KCNC4: variants seen among roughly 807,000 people sequenced by gnomAD.
KCNC4 encodes potassium voltage-gated channel subfamily C member 4, also known as voltage-gated potassium channel KCNC4.
In KCNC4, 23 loss-of-function variants were observed where a neutral mutation model predicts 42.8. The ratio of observed to expected loss-of-function variants is 0.54; its 90% CI spans 0.39 to 0.76. The LOEUF is 0.76. KCNC4 is among the 30% of genes least tolerant of loss of function. KCNC4 has a pLI of 0.00. For synonymous variants in KCNC4, 422 were observed against 393.5 expected, an observed-to-expected ratio of 1.07 and a Z score of -0.86; for missense variants, 751 against 898.2, an observed-to-expected ratio of 0.84 and a Z score of 2.10.
intron 1 of KCNC4, among the ~76,000 whole-genome samples, chr1:110,267,526 A>T (rs1362225357): frequency 6.6e-6 from 1 of 152,106 alleles, no homozygotes; most frequent in African/African-American, 2.4e-5. Flanking sequence ...TACATTTACA[A>T]TCCGGCTCCT....
Position 110,223,247 on chromosome 1 carries a change from C to G in KCNC4, c.962C>G (p.Ala321Gly). ...CTGCTCAACATCATCGACTTTGTGGCCATCCTGCCCTTCTACCTGGAGGTG... is the reference window on the plus strand; with the variant it reads ...CTGCTCAACATCATCGACTTTGTGGGCATCCTGCCCTTCTACCTGGAGGTG... Reference protein sequence around the residue: ...KNLLNIIDFVAILPFYLEVGL... With the variant: ...KNLLNIIDFVGILPFYLEVGL... Residue 321 changes from alanine (A) to glycine (G), a missense_variant, in exon 2 of 4, where the codon GCC (alanine) becomes GGC (glycine). Around this residue, in one of 4 missense-constraint regions of KCNC4, gnomAD observed 185 missense variants for 293.7 expected, o/e 0.63. Transcript: ENST00000438661. This position sits in a 1 kb window ranked among gnomAD's most constrained non-coding sequence, Gnocchi z 7.5. The G allele has an allele frequency of 1.2e-6, 2 of 1,614,236 alleles. No individual in the cohort carries two copies. Among genetic ancestry groups the G allele is most frequent in the Non-Finnish European group, 1.7e-6 (2 of 1,180,036 alleles).
intron 1 of KCNC4, among the ~76,000 whole-genome samples, chr1:110,269,097 A>G (rs577581311): frequency 1.3e-5 from 2 of 152,150 alleles, no homozygotes; most frequent in East Asian, 1.9e-4. Flanking sequence ...GGCAAGAAGA[A>G]CCCATCAGTC....
At position 110,233,338 on chromosome 1, in the gene KCNC4, G is replaced by C. The variant is rs1312188883; in HGVS notation, c.*366G>C. On this transcript the variant is annotated 3_prime_UTR_variant, in exon 4 of 4. Coordinates refer to ENST00000438661, the MANE Select transcript of KCNC4 (RefSeq NM_001039574.3). ...CTGATTTCTGTTGTTTCTGCTGACTGTGTGGGTGGAATGTCCCAAGAAAAG... is the reference window on the plus strand; with the variant it reads ...CTGATTTCTGTTGTTTCTGCTGACTCTGTGGGTGGAATGTCCCAAGAAAAG... 9.0e-6 allele frequency: 3 copies of C among 333,618 alleles called. No homozygotes were observed. Among genetic ancestry groups the C allele is most frequent in the Non-Finnish European group, 1.1e-5 (2 of 179,968 alleles). 20.7% of individuals were successfully genotyped at this position (333,618 alleles called of 1,614,324 possible).
rs1658190756 is a variant in KCNC4, at chr1:110,223,096, T to C, written c.811T>C (p.Phe271Leu). The change falls in exon 2 of 4, where the codon TTC (phenylalanine) becomes CTC (leucine). Residue 271 changes from phenylalanine (F) to leucine (L), a missense_variant. Around this residue, in one of 4 missense-constraint regions of KCNC4, gnomAD observed 181 missense variants for 167.3 expected, o/e 1.08. Transcript: ENST00000438661. This position sits in a 1 kb window ranked among gnomAD's most constrained non-coding sequence, Gnocchi z 7.5. ...CGTAGGGAACATCACCAGCGTGCAC[T>C]TCCGGCGGGAGGTAGAGACAGAGCC... ...LRVGNITSVH[F>L]RREVETEPIL... 4 of 1,614,192 alleles carry C rather than the reference T, an allele frequency of 2.5e-6. No individual in the cohort carries two copies. The highest frequency in any genetic ancestry group is 3.4e-6 in the Non-Finnish European group (4 of 1,180,028).
At position 110,210,934 on chromosome 1, in the gene KCNC4, C is replaced by T. The variant is rs964267385; in HGVS notation, c.-566C>T. ...CGCCGCCGCCGCCTCGTGTTGACCG[C>T]AAGCAGCCCGGGCCCACGGAGCTCC... On this transcript the variant is annotated 5_prime_UTR_variant, in exon 1 of 4. Transcript: ENST00000438661. Among the ~76,000 whole-genome samples the T allele has an allele frequency of 1.3e-5, 2 of 152,178 alleles. No homozygotes were observed. The highest frequency in any genetic ancestry group is 2.9e-5 in the Non-Finnish European group (2 of 68,002).
intron 1 of KCNC4, among the ~76,000 whole-genome samples, chr1:110,260,646 A>G (rs1659407592): frequency 1.3e-5 from 2 of 152,374 alleles, no homozygotes; most frequent in South Asian, 4.1e-4. Context: ...TCTGAAAAGA[A>G]GTTGACAGAA....
chr1:110,213,471 G>C (rs978142707), intron 1 of KCNC4, among the ~76,000 whole-genome samples: 13 of 152,200 alleles, frequency 8.5e-5, no homozygotes, highest in Admixed American at 2.0e-4. Flanking sequence ...GGCAGGGTAG[G>C]GAATTGGGGA....
In KCNC4 at chr1:110,233,004, A is replaced by G; in HGVS notation, c.*32A>G. 6.2e-7 allele frequency: 1 copy of G among 1,603,428 alleles called. No individual in the cohort carries two copies. Among genetic ancestry groups the G allele is most frequent in the Non-Finnish European group, 8.5e-7 (1 of 1,175,172 alleles). On this transcript the variant is annotated 3_prime_UTR_variant, in exon 4 of 4. Transcript: ENST00000438661. The stretch of plus-strand genomic sequence containing the variant: ...ACCAACGTGAGAGAGACAGGCAGAC[A>G]GACAGAAAGCCAGAGGCTTAGGGAA...
chr1:110,226,961 G>GGCTGAGAACCA (rs1314105892), intron 3 of KCNC4, among the ~76,000 whole-genome samples: 1 of 152,152 alleles, frequency 6.6e-6, no homozygotes, highest in East Asian at 1.9e-4. Context: ...GATGGTGGAG[G>GGCTGAGAACCA]GCCCGCGGTG....
At chr1:110,225,811 T>C (rs941181497) in intron 2 of KCNC4, 164 bp from the exon 3 acceptor site, 1 of 635,670 alleles carries the variant, frequency 1.6e-6, no homozygotes, top group Non-Finnish European at 2.7e-6. Context: ...ATCCCTGCCT[T>C]TTGCCCTCTG....
downstream of KCNC4, chr1:110,249,234 C>T (rs1423066521): frequency 6.6e-6 from 1 of 152,214 alleles, no homozygotes; most frequent in East Asian, 1.9e-4. Context: ...AGAGCAGGCC[C>T]CTTTTTTTCT....
rs1347826778 is a variant in KCNC4, at chr1:110,210,782, C to G, written c.-718C>G. On this transcript the variant is annotated 5_prime_UTR_variant, in exon 1 of 4. Transcript: ENST00000438661. ...GACCCGAGGCTCGCTCCTGCGGGCG[C>G]GCTTGTTTTCCAGCTGCCGCCTCGC... Among the ~76,000 whole-genome samples the G allele has an allele frequency of 6.6e-6, 1 of 151,912 alleles. No homozygotes were observed. The highest frequency in any genetic ancestry group is 2.4e-5 in the African/African-American group (1 of 41,416).
chr1:110,230,246 C>G (rs1658624999), intron 3 of KCNC4, among the ~76,000 whole-genome samples: 1 of 152,150 alleles, frequency 6.6e-6, no homozygotes, highest in Non-Finnish European at 1.5e-5. Flanking sequence ...GTGACCTGAC[C>G]CATAAGAAGT....
At chr1:110,246,530 A>G (rs1038572425) in exon 4 of KCNC4, 1 of 152,212 alleles carries the variant, frequency 6.6e-6, no homozygotes, top group Non-Finnish European at 1.5e-5. Flanking sequence ...TAGAAGCTTG[A>G]GCGTGGCTTC....
chr1:110,233,110 C>T lies in KCNC4; in HGVS notation c.*138C>T. 4.4e-6 allele frequency: 5 copies of T among 1,131,726 alleles called. No individual in the cohort carries two copies. The highest frequency in any genetic ancestry group is 6.3e-6 in the Non-Finnish European group (5 of 792,670). 70.1% of individuals were successfully genotyped at this position (1,131,726 alleles called of 1,614,324 possible). On this transcript the variant is annotated 3_prime_UTR_variant, in exon 4 of 4. Coordinates refer to ENST00000438661, the MANE Select transcript of KCNC4 (RefSeq NM_001039574.3). Reference sequence around the variant, plus strand: ...TGCACAGGACTGGTGGAAAATCTCCCATGCGACCCTCGGGGCCCAGAGCCA... The same window carrying T: ...TGCACAGGACTGGTGGAAAATCTCCTATGCGACCCTCGGGGCCCAGAGCCA...
At chr1:110,273,739 G>A (rs867800679) in intron 1 of KCNC4, among the ~76,000 whole-genome samples, 2 of 152,240 alleles carry the variant, frequency 1.3e-5, no homozygotes, top group African/African-American at 4.8e-5. Context: ...GGATATGGGT[G>A]AGTGGTGTCT....
chr1:110,234,199 TAG>T (rs1658846001), downstream of KCNC4: 2 of 152,204 alleles, frequency 1.3e-5, no homozygotes, highest in Non-Finnish European at 2.9e-5. Context: ...AGGGAGAGAC[TAG>T]TGCTCAGAGA....
Position 110,214,394 on chromosome 1 carries a change from T to C in KCNC4, c.678+2217T>C, listed in dbSNP as rs115153686. ...CCAACACATGCACTAAAAGAGGACTTGCCTCCTGCTCAGGAGCCCAGGCAA... is the reference window on the plus strand; with the variant it reads ...CCAACACATGCACTAAAAGAGGACTCGCCTCCTGCTCAGGAGCCCAGGCAA... On this transcript the variant is annotated intron_variant, in intron 1 of 3. Coordinates refer to ENST00000438661, the MANE Select transcript of KCNC4 (RefSeq NM_001039574.3). 1.7e-3 allele frequency among the ~76,000 whole-genome samples: 252 copies of C among 152,320 alleles called. 1 individual carries two copies. Among genetic ancestry groups the C allele is most frequent in the African/African-American group, 5.7e-3 (235 of 41,566 alleles).
intron 1 of KCNC4, among the ~76,000 whole-genome samples, chr1:110,256,491 A>T (rs1024162258): frequency 6.6e-6 from 1 of 152,202 alleles, no homozygotes; most frequent in Non-Finnish European, 1.5e-5. Flanking sequence ...TCTTCTCATC[A>T]CCCGTAGCTC....
Sources: gnomAD v4.1 joint callset for allele counts (sites outside exome capture counted in the v4.1 genomes callset) on GRCh38, gnomAD v4.1.1 for gene constraint, gnomAD v4.1.1 regional missense constraint, Gnocchi (gnomAD v3.1) non-coding constraint, MANE v1.5 for transcripts, NCBI Gene and HGNC (gene_info 2026-07-23, HGNC 2026-07-21) for gene names.